Variants in LPA observed in about 807,000 individuals in gnomAD.
The protein encoded by LPA is lipoprotein(a), also known as apolipoprotein(a).
In LPA, 199 loss-of-function variants were observed where a neutral mutation model predicts 197.9. The observed-to-expected ratio is 1.01, with a 90% CI of 0.90 to 1.13. The LOEUF (loss-of-function observed/expected upper bound fraction) is 1.13. LPA is among the 50% of genes most tolerant of loss of function. The probability of loss-of-function intolerance (pLI) is 0.00; values close to 1 mark genes in which losing one functional copy is unlikely to be tolerated. For missense variants in LPA, 1,853 were observed against 1,785.8 expected (o/e 1.04, Z -0.68); for synonymous variants, 715 against 639.5 (o/e 1.12, Z -1.78).
chr6:160,606,473 T>A lies in LPA; in HGVS notation c.2785+4A>T. 1.2e-6 allele frequency: 2 copies of A among 1,613,350 alleles called. No homozygotes were observed. Among genetic ancestry groups the A allele is most frequent in the South Asian group, 2.2e-5 (2 of 91,042 alleles). On this transcript the variant is annotated splice_donor_region_variant and intron_variant, in intron 17 of 38. Coordinates refer to ENST00000316300, the MANE Select transcript of LPA (RefSeq NM_005577.4). ...GTGTAGGTTTCTGGCCACAGGCTCCTTACCTTGTTCAGAAGGAGCCTCTAG... is the reference window on the plus strand; with the variant it reads ...GTGTAGGTTTCTGGCCACAGGCTCCATACCTTGTTCAGAAGGAGCCTCTAG...
intron 20 of LPA, 124 bp from the exon 21 acceptor site, chr6:160,595,659 C>T: frequency 7.3e-7 from 1 of 1,366,288 alleles, no homozygotes; most frequent in Non-Finnish European, 1.0e-6. Flanking sequence ...ACTAAAGGTC[C>T]CATAATATGC....
chr6:160,581,565 G>C lies in LPA; in HGVS notation c.4290-2861C>G, dbSNP rs546701494. On this transcript the variant is annotated intron_variant, in intron 26 of 38. Transcript: ENST00000316300. Reference sequence around the variant, plus strand: ...AATCCTCTCATCTTGGCCTCCCAAAGTGTTAGGATTACAGCCAAGCGTCCC... The same window carrying C: ...AATCCTCTCATCTTGGCCTCCCAAACTGTTAGGATTACAGCCAAGCGTCCC... Among the ~76,000 whole-genome samples the C allele has an allele frequency of 7.9e-5, 12 of 152,256 alleles. No individual in the cohort carries two copies. In the East Asian group the frequency reaches 2.3e-3, roughly 29 times the overall value.
chr6:160,578,553 C>G lies in LPA; in HGVS notation c.4441G>C (p.Val1481Leu). Residue 1481 changes from valine (V) to leucine (L), a missense_variant, in exon 27 of 39, where the codon GTT becomes CTT. Val to Leu is a conservative substitution (Grantham distance 32). Around this residue, in one of 3 missense-constraint regions of LPA, gnomAD observed 1,737 missense variants for 1,504.4 expected, o/e 1.15. Coordinates refer to ENST00000316300, the MANE Select transcript of LPA (RefSeq NM_005577.4). Reference sequence around the variant, plus strand: ...TCAGAAGGAGCCTCTGTGCTTGGAACCGGGGCCACTGTGGGAGTTGTGAGG... The same window carrying G: ...TCAGAAGGAGCCTCTGTGCTTGGAAGCGGGGCCACTGTGGGAGTTGTGAGG... Reference protein sequence around the residue: ...SVLTTPTVAPVPSTEAPSEQA... With the variant: ...SVLTTPTVAPLPSTEAPSEQA... 6 of 1,613,888 alleles carry G rather than the reference C, an allele frequency of 3.7e-6. No homozygotes were observed. Among genetic ancestry groups the G allele is most frequent in the Non-Finnish European group, 5.1e-6 (6 of 1,179,776 alleles).
At chr6:160,559,852 A>T (rs1778332338) in intron 28 of LPA, among the ~76,000 whole-genome samples, 2 of 152,134 alleles carry the variant, frequency 1.3e-5, no homozygotes, top group Non-Finnish European at 2.9e-5. Context: ...TGGGTTTGTT[A>T]CATAGGTATA....
chr6:160,654,057 T>TATATATAATATATA (rs1562354989), intron 1 of LPA, among the ~76,000 whole-genome samples: 11 of 5,922 alleles, frequency 1.9e-3, no homozygotes, highest in African/African-American at 7.5e-3. Flanking sequence ...TATAATATAT[T>TATATATAATATATA]ATATATATTA....
chr6:160,608,705 C>A (rs1779413973), intron 16 of LPA, among the ~76,000 whole-genome samples: 1 of 152,034 alleles, frequency 6.6e-6, no homozygotes, highest in African/African-American at 2.4e-5. Flanking sequence ...GTTTCTGTTT[C>A]CAATCTCCCG....
At chr6:160,551,631 A>T (rs1583572991) in intron 30 of LPA, among the ~76,000 whole-genome samples, 2 of 152,078 alleles carry the variant, frequency 1.3e-5, no homozygotes, top group South Asian at 4.2e-4. Flanking sequence ...AAGATTTTAT[A>T]TTTTTTCATG....
chr6:160,585,596 G>C (rs1021492551), intron 25 of LPA, among the ~76,000 whole-genome samples: 1 of 151,998 alleles, frequency 6.6e-6, no homozygotes, highest in Non-Finnish European at 1.5e-5. Context: ...CTGTTAGTGG[G>C]GGGTATACAT....
chr6:160,541,250 C>T, intron 34 of LPA, 69 bp from the exon 35 acceptor site: 2 of 1,138,754 alleles, frequency 1.8e-6, no homozygotes, highest in African/African-American at 1.5e-5. Context: ...TACAGAAAGC[C>T]AGGAAGACAA....
At chr6:160,647,165 G>A (rs1306859615) in intron 2 of LPA, among the ~76,000 whole-genome samples, 3 of 152,106 alleles carry the variant, frequency 2.0e-5, no homozygotes, top group Non-Finnish European at 2.9e-5. Flanking sequence ...TCCAGAACTG[G>A]GGGATGAGTT....
intron 26 of LPA, among the ~76,000 whole-genome samples, chr6:160,579,847 T>C (rs572037567): frequency 6.6e-6 from 1 of 152,342 alleles, no homozygotes; most frequent in East Asian, 1.9e-4. Context: ...TCAAGTGATG[T>C]AGCACCTGAA....
chr6:160,532,513 C>G lies in LPA; in HGVS notation c.5961+18G>C. 1.3e-6 allele frequency: 2 copies of G among 1,542,418 alleles called. No individual in the cohort carries two copies. The highest frequency in any genetic ancestry group is 1.8e-6 in the Non-Finnish European group (2 of 1,115,104). On this transcript the variant is annotated intron_variant, in intron 38 of 38. Coordinates refer to ENST00000316300, the MANE Select transcript of LPA (RefSeq NM_005577.4). ...AGACGGGAGAGCACAAGACTTTGAT[C>G]TATTGATCTTTTCTTACCTGGCAAC...
chr6:160,537,479 A>T (rs1583564234), intron 37 of LPA, among the ~76,000 whole-genome samples: 2 of 152,278 alleles, frequency 1.3e-5, no homozygotes, highest in South Asian at 4.1e-4. Flanking sequence ...ATAATCTAAC[A>T]CCCTTAACTT....
At chr6:160,574,715 C>A (rs1778623933) in intron 28 of LPA, among the ~76,000 whole-genome samples, 1 of 152,164 alleles carries the variant, frequency 6.6e-6, no homozygotes, top group South Asian at 2.1e-4. Context: ...GTAAGGCCTC[C>A]CTTTTCCACT....
chr6:160,602,211 G>C (rs1488898499), intron 18 of LPA, among the ~76,000 whole-genome samples: 1 of 152,206 alleles, frequency 6.6e-6, no homozygotes, highest in Non-Finnish European at 1.5e-5. Context: ...TTGAGTACTT[G>C]AAAGACTTCT....
At position 160,564,469 on chromosome 6, in the gene LPA, T is replaced by C. The variant is rs76000021; in HGVS notation, c.4632-6898A>G. Among the ~76,000 whole-genome samples, 1,223 of 152,280 alleles carry C rather than the reference T, an allele frequency of 8.0e-3. 12 individuals are homozygous for C. The highest frequency in any genetic ancestry group is 0.013 in the Non-Finnish European group (876 of 68,018). On this transcript the variant is annotated intron_variant, in intron 28 of 38. Coordinates refer to ENST00000316300, the MANE Select transcript of LPA (RefSeq NM_005577.4). ...CTTCAGTTTTGGAATTCAGACTGGC[T>C]TTTCTTGCTCCTCAGCCTGCAGACG...
At chr6:160,610,174 C>G (rs144274063) in intron 16 of LPA, among the ~76,000 whole-genome samples, 1 of 152,020 alleles carries the variant, frequency 6.6e-6, no homozygotes, top group Non-Finnish European at 1.5e-5. Flanking sequence ...CTTTTCTACA[C>G]GTAGTCAAAT....
chr6:160,600,922 T>A lies in LPA; in HGVS notation c.3122A>T (p.Glu1041Val). 2 of 1,612,286 alleles carry A rather than the reference T, an allele frequency of 1.2e-6. No individual in the cohort carries two copies. The highest frequency in any genetic ancestry group is 1.7e-6 in the Non-Finnish European group (2 of 1,179,926). Residue 1041 changes from glutamate to valine, a missense_variant, in exon 19 of 39, where the codon GAA (glutamate) becomes GTA (valine). Coordinates refer to ENST00000316300, the MANE Select transcript of LPA (RefSeq NM_005577.4). ...ILAPSLEAFFEQALTEETPGV... is the reference protein window; with the variant it reads ...ILAPSLEAFFVQALTEETPGV... ...TGTCTGGCACAACTTCTTACCTTGT[T>A]CAAAAAAAGCCTCTAGGCTTGGAGC...
intron 26 of LPA, among the ~76,000 whole-genome samples, chr6:160,580,948 T>A (rs1441108810): frequency 6.6e-6 from 1 of 151,470 alleles, no homozygotes; most frequent in South Asian, 2.1e-4. Flanking sequence ...CTTTTACAGT[T>A]AGTGTTTTCT....
Sources: allele counts gnomAD v4.1 joint callset (sites outside exome capture counted in the v4.1 genomes callset), GRCh38; gene constraint gnomAD v4.1.1; regional missense constraint gnomAD v4.1.1; transcripts MANE v1.5; gene names NCBI Gene and HGNC (gene_info 2026-07-23, HGNC 2026-07-21).